TOGARAM1: variants seen among roughly 807,000 people sequenced by gnomAD.
The protein encoded by TOGARAM1 is TOG array regulator of axonemal microtubules protein 1.
Under a neutral mutation model 166.6 loss-of-function variants are expected in TOGARAM1, and 100 were observed. The ratio of observed to expected loss-of-function variants is 0.60; its 90% CI spans 0.51 to 0.71. TOGARAM1 has a LOEUF of 0.71. Among genes scored for constraint, TOGARAM1 ranks in the 30% least tolerant of loss-of-function variants. The pLI, the probability that TOGARAM1 is intolerant of heterozygous loss-of-function variation, is 0.00. For missense variants in TOGARAM1, 2,029 were observed against 2,102.7 expected (o/e 0.96, Z 0.69); for synonymous variants, 758 against 763.8 (o/e 0.99, Z 0.13).
chr14:45,047,429 CATAACAATAT>C (rs1882127147), intron 14 of TOGARAM1, among the ~76,000 whole-genome samples: 1 of 151,078 alleles, frequency 6.6e-6, no homozygotes, highest in Admixed American at 6.6e-5. Context: ...AGGAATAATG[CATAACAATAT>C]ATTATCCTAC....
chr14:45,058,980 A>C (rs1168497779), intron 16 of TOGARAM1, among the ~76,000 whole-genome samples: 1 of 151,964 alleles, frequency 6.6e-6, no homozygotes, highest in African/African-American at 2.4e-5. Flanking sequence ...TTTAGGGCCC[A>C]TTTGGGTATT....
chr14:44,991,478 G>A (rs993691594), intron 1 of TOGARAM1, among the ~76,000 whole-genome samples: 1 of 152,046 alleles, frequency 6.6e-6, no homozygotes, highest in Non-Finnish European at 1.5e-5. Context: ...GGAATATTAG[G>A]CAGCCATTAA....
chr14:44,991,583 C>T (rs1434082166), intron 1 of TOGARAM1, among the ~76,000 whole-genome samples: 1 of 152,120 alleles, frequency 6.6e-6, no homozygotes. Context: ...ACAATGTTCA[C>T]TGCAAGATTG....
rs367722905 is a variant in TOGARAM1, at chr14:45,025,891, G to T, written c.3328+19G>T. 4 of 1,324,062 alleles carry T rather than the reference G, an allele frequency of 3.0e-6. No individual in the cohort carries two copies. In the East Asian group the frequency reaches 9.3e-5, roughly 31 times the overall value. The allele number at this position is 1,324,062 out of a possible 1,614,324, so 82.0% of individuals were successfully genotyped here. A position where few individuals can be genotyped will look rare whatever the true frequency, so the allele number is the denominator to read the frequency against. On this transcript the variant is annotated intron_variant, in intron 8 of 19. Transcript: ENST00000361462. Reference sequence around the variant, plus strand: ...GGAAAAGGTATTTCAAAGTTATTTCGCTTCTTAATTATATGTATTCATCAT... The same window carrying T: ...GGAAAAGGTATTTCAAAGTTATTTCTCTTCTTAATTATATGTATTCATCAT...
chr14:44,995,416 A>G (rs1224577453), intron 1 of TOGARAM1: 1 of 456,680 alleles, frequency 2.2e-6, no homozygotes, highest in Non-Finnish European at 4.4e-6. Flanking sequence ...AAGATAGCAT[A>G]GTTTGAGGGG....
In TOGARAM1 at chr14:45,045,613, GTGTGTATA is replaced by G. The variant is rs1449174220; in HGVS notation, c.4154+745_4154+752del. Among the ~76,000 whole-genome samples, 29 of 74,450 alleles carry G rather than the reference GTGTGTATA, an allele frequency of 3.9e-4. 1 individual carries two copies. Among genetic ancestry groups the G allele is most frequent in the South Asian group, 9.9e-4 (2 of 2,024 alleles). The allele number at this position is 74,450 out of a possible 152,430, so 48.8% of individuals were successfully genotyped here. A position where few individuals can be genotyped will look rare whatever the true frequency, so the allele number is the denominator to read the frequency against. Reference sequence around the variant, plus strand: ...TGTGTGTGTGTGTGTGTGTGTGTGTGTGTGTATATATATGTATATATATACATATATAT... The same window carrying G: ...TGTGTGTGTGTGTGTGTGTGTGTGTGTATATGTATATATATACATATATAT... On this transcript the variant is annotated intron_variant, in intron 13 of 19. Transcript: ENST00000361462.
chr14:45,041,659 C>T (rs1190635645), intron 11 of TOGARAM1, among the ~76,000 whole-genome samples: 1 of 152,216 alleles, frequency 6.6e-6, no homozygotes, highest in African/African-American at 2.4e-5. Flanking sequence ...CTTATTTCCC[C>T]TCTTCCTAAT....
At chr14:45,017,088 T>C (rs1399391631) in intron 7 of TOGARAM1, among the ~76,000 whole-genome samples, 1 of 152,178 alleles carries the variant, frequency 6.6e-6, no homozygotes, top group Non-Finnish European at 1.5e-5. Flanking sequence ...ACCCAAGACA[T>C]TGTAAGCCTA....
intron 6 of TOGARAM1, among the ~76,000 whole-genome samples, chr14:45,011,395 C>T (rs1402619983): frequency 6.6e-6 from 1 of 152,138 alleles, no homozygotes; most frequent in African/African-American, 2.4e-5. Context: ...TCACTGCAAC[C>T]CCTGCCTCCT....
intron 7 of TOGARAM1, chr14:45,025,564 A>AG (rs1880785281): frequency 5.1e-5 from 7 of 136,710 alleles, no homozygotes; most frequent in Admixed American, 1.6e-4. Context: ...ACTCCATCTC[A>AG]AAAAAAAAAA....
intron 13 of TOGARAM1, among the ~76,000 whole-genome samples, chr14:45,046,212 T>G (rs187483073): frequency 3.3e-5 from 5 of 152,022 alleles, no homozygotes; most frequent in African/African-American, 1.2e-4. Context: ...GGTGAGAAGA[T>G]CCCTTGAGTC....
chr14:45,062,781 G>T (rs78212047), intron 16 of TOGARAM1, among the ~76,000 whole-genome samples: 6,027 of 152,286 alleles, frequency 0.04, 203 homozygotes, highest in East Asian at 0.11. Flanking sequence ...AGGTAGGCTA[G>T]ACGTATTGAA....
Position 45,044,663 on chromosome 14 carries a change from G to A in TOGARAM1, c.3947G>A (p.Arg1316His), listed in dbSNP as rs778394428. The A allele has an allele frequency of 2.7e-5, 44 of 1,605,026 alleles. No individual in the cohort carries two copies. Among genetic ancestry groups the A allele is most frequent in the Admixed American group, 2.2e-4 (13 of 58,756 alleles). Residue 1316 changes from arginine (R) to histidine (H), a missense_variant, in exon 13 of 20, where the codon CGT becomes CAT. Transcript: ENST00000361462. ...AAAAATTTACGTTCTGGAGTTTCTC[G>A]TGCTGCTGTGGTCTGTTTAAGTGAT... ...EVKNLRSGVS[R>H]AAVVCLSDLF...
intron 1 of TOGARAM1, among the ~76,000 whole-genome samples, chr14:44,975,790 T>A (rs1594611455): frequency 2.0e-5 from 3 of 151,024 alleles, no homozygotes; most frequent in East Asian, 3.9e-4. Flanking sequence ...TTTTTTTTTT[T>A]AATGAAGTGG....
intron 5 of TOGARAM1, chr14:45,006,826 A>G (rs946604600): frequency 1.3e-5 from 2 of 152,190 alleles, no homozygotes; most frequent in African/African-American, 4.8e-5. Flanking sequence ...ACTGCAATGA[A>G]CATATTTGAA....
intron 1 of TOGARAM1, chr14:44,995,508 G>C: frequency 1.9e-6 from 1 of 517,600 alleles, no homozygotes; most frequent in Admixed American, 2.3e-5. Flanking sequence ...AGGATGGTAA[G>C]GAACAGTAAA....
intron 1 of TOGARAM1, among the ~76,000 whole-genome samples, chr14:44,973,777 A>G (rs1407416239): frequency 6.6e-6 from 1 of 151,496 alleles, no homozygotes; most frequent in Non-Finnish European, 1.5e-5. Flanking sequence ...CCCAGGGTAT[A>G]GACTTCTAAA....
intron 19 of TOGARAM1, among the ~76,000 whole-genome samples, chr14:45,072,590 A>G (rs1219330823): frequency 6.6e-6 from 1 of 151,980 alleles, no homozygotes; most frequent in Non-Finnish European, 1.5e-5. Flanking sequence ...ACGCCTGGCT[A>G]GTTTTTTTAT....
At chr14:44,965,524 G>C (rs1039332016) in intron 1 of TOGARAM1, among the ~76,000 whole-genome samples, 1 of 152,058 alleles carries the variant, frequency 6.6e-6, no homozygotes, top group Non-Finnish European at 1.5e-5. Context: ...ATGTTTACTT[G>C]ATTAGATTCA....
Sources: allele counts gnomAD v4.1 joint callset (sites outside exome capture counted in the v4.1 genomes callset), GRCh38; gene constraint gnomAD v4.1.1; transcripts MANE v1.5; gene names NCBI Gene and HGNC (gene_info 2026-07-23, HGNC 2026-07-21).